SLCO5A1: variants seen among roughly 807,000 people sequenced by gnomAD.
SLCO5A1 encodes solute carrier organic anion transporter family member 5A1.
Under a neutral mutation model 65.1 loss-of-function variants are expected in SLCO5A1, and 39 were observed. That is an observed-to-expected ratio of 0.60 (90% confidence interval 0.46 to 0.78). The LOEUF (loss-of-function observed/expected upper bound fraction) is 0.78, where lower values mean the gene tolerates loss of function less well. Ranked by LOEUF, SLCO5A1 falls within the 30% of genes least tolerant of loss-of-function variation. The pLI is 0.00. For synonymous variants in SLCO5A1, 438 were observed against 415.7 expected (o/e 1.05, Z -0.65); for missense variants, 1,029 against 1,069.4 (o/e 0.96, Z 0.53).
In SLCO5A1 at chr8:69,832,400, G is replaced by T. The variant is rs746132395; in HGVS notation, c.274C>A (p.Leu92Ile). The T allele has an allele frequency of 1.9e-6, 3 of 1,612,526 alleles. No homozygotes were observed. The highest frequency in any genetic ancestry group is 3.4e-5 in the Admixed American group (2 of 59,696). The change falls in exon 2 of 10, where the codon CTC (leucine) becomes ATC (isoleucine). Residue 92 changes from leucine to isoleucine, a missense_variant. Leu to Ile is a conservative substitution (Grantham distance 5). Coordinates refer to ENST00000260126, the MANE Select transcript of SLCO5A1 (RefSeq NM_030958.3). This position sits in a 1 kb window ranked among gnomAD's most constrained non-coding sequence, Gnocchi z 4.5. The part of the protein sequence containing the change: ...SPSAPSTSAG[L>I]GDCNHRVDLS... ...TCCACCCTGTGGTTACAGTCCCCGA[G>T]CCCCGCCGAAGTGGACGGGGCAGAG...
chr8:69,714,790 G>C (rs145558416), intron 5 of SLCO5A1: 16 of 152,284 alleles, frequency 1.1e-4, no homozygotes, highest in Non-Finnish European at 2.4e-4. Flanking sequence ...ACTCCTCTTA[G>C]GCCAGACGGA....
intron 2 of SLCO5A1, among the ~76,000 whole-genome samples, chr8:69,808,815 A>G (rs1289763152): frequency 6.6e-6 from 1 of 152,192 alleles, no homozygotes; most frequent in Admixed American, 6.5e-5. Flanking sequence ...GATAATCATA[A>G]CTAAAGGACC....
At chr8:69,784,951 A>C (rs193061324) in intron 2 of SLCO5A1, among the ~76,000 whole-genome samples, 40 of 147,382 alleles carry the variant, frequency 2.7e-4, no homozygotes, top group African/African-American at 9.1e-4. Flanking sequence ...AGAAAGAAAG[A>C]AGAAAGGAAG....
At chr8:69,794,677 C>T (rs925190108) in intron 2 of SLCO5A1, 1 of 313,250 alleles carries the variant, frequency 3.2e-6, no homozygotes, top group South Asian at 3.1e-5. Context: ...TGGCAGATTG[C>T]CTTTGTCCTT....
chr8:69,784,930 G>GAAAGAAAGAA (rs1251220628), intron 2 of SLCO5A1, among the ~76,000 whole-genome samples: 33 of 113,874 alleles, frequency 2.9e-4, no homozygotes, highest in African/African-American at 1.1e-3. Context: ...AAGAAAGAAA[G>GAAAGAAAGAA]AAAGAAAGAA....
At chr8:69,682,370 A>G in intron 6 of SLCO5A1, 27 bp from the exon 7 acceptor site, 1 of 1,514,532 alleles carries the variant, frequency 6.6e-7, no homozygotes, top group Non-Finnish European at 8.8e-7. Context: ...GCAGATCATG[A>G]GCAACACTTA....
chr8:69,755,382 T>C, intron 4 of SLCO5A1, 42 bp downstream of exon 4: 1 of 1,553,246 alleles, frequency 6.4e-7, no homozygotes, highest in Non-Finnish European at 8.9e-7. Flanking sequence ...GTAGCACTGA[T>C]CAAAGTGCCA....
intron 2 of SLCO5A1, among the ~76,000 whole-genome samples, chr8:69,766,509 TTG>T (rs369338918): frequency 2.2e-4 from 33 of 151,508 alleles, no homozygotes; most frequent in African/African-American, 6.5e-4. Context: ...ATGTGTGTGT[TTG>T]TGTGTGTGTG....
chr8:69,790,727 AACT>A (rs1485356456), intron 2 of SLCO5A1, among the ~76,000 whole-genome samples: 2 of 152,202 alleles, frequency 1.3e-5, no homozygotes, highest in Non-Finnish European at 2.9e-5. Context: ...TGCGGTTTTA[AACT>A]ACAATGAACA....
At chr8:69,692,872 G>A (rs938199377) in intron 6 of SLCO5A1, among the ~76,000 whole-genome samples, 5 of 152,116 alleles carry the variant, frequency 3.3e-5, no homozygotes, top group African/African-American at 9.7e-5. Context: ...TTTTTAATAC[G>A]TAGAAAGAGT....
At chr8:69,745,595 A>G (rs4370538) in intron 4 of SLCO5A1, among the ~76,000 whole-genome samples, 17,912 of 152,106 alleles carry the variant, frequency 0.12, 1,865 homozygotes, top group African/African-American at 0.28. Flanking sequence ...GGCCCCTCTT[A>G]ATGCTTTTCA....
intron 5 of SLCO5A1, among the ~76,000 whole-genome samples, chr8:69,717,182 C>A (rs1449121603): frequency 1.3e-5 from 2 of 152,150 alleles, no homozygotes; most frequent in Non-Finnish European, 2.9e-5. Flanking sequence ...AATACAAGGT[C>A]ACAAAGAGTT....
At chr8:69,828,733 C>T (rs1821038168) in intron 2 of SLCO5A1, among the ~76,000 whole-genome samples, 1 of 152,192 alleles carries the variant, frequency 6.6e-6, no homozygotes, top group Admixed American at 6.5e-5. Flanking sequence ...CTAAAAACAC[C>T]TCAAATGCTG....
At chr8:69,784,936 AAGAAAGAAAGAAAG>A (rs1377760349) in intron 2 of SLCO5A1, among the ~76,000 whole-genome samples, 2 of 147,570 alleles carry the variant, frequency 1.4e-5, no homozygotes, top group Admixed American at 6.8e-5. Context: ...GAAAGAAAGA[AAGAAAGAAAGAAAG>A]AAGAAAGGAA....
chr8:69,828,606 A>G (rs1005661603), intron 2 of SLCO5A1, among the ~76,000 whole-genome samples: 6 of 151,728 alleles, frequency 4.0e-5, no homozygotes, highest in Admixed American at 3.9e-4. Flanking sequence ...GTCTCAAAAA[A>G]AAAAAGAAAA....
intron 2 of SLCO5A1, among the ~76,000 whole-genome samples, chr8:69,798,049 C>A (rs1192717901): frequency 1.3e-5 from 2 of 152,178 alleles, no homozygotes; most frequent in South Asian, 2.1e-4. Context: ...TTTAAAATTT[C>A]TCGTTTGTAC....
intron 2 of SLCO5A1, among the ~76,000 whole-genome samples, chr8:69,769,402 A>G (rs1007992221): frequency 2.0e-5 from 3 of 152,184 alleles, no homozygotes; most frequent in Admixed American, 2.0e-4. Flanking sequence ...AACTATTGAC[A>G]TAGGAAGCAC....
chr8:69,690,596 A>C (rs1814218847), intron 6 of SLCO5A1, among the ~76,000 whole-genome samples: 1 of 152,244 alleles, frequency 6.6e-6, no homozygotes, highest in Admixed American at 6.5e-5. Flanking sequence ...GGTGAAGAGG[A>C]AGCTGAGTTG....
intron 5 of SLCO5A1, among the ~76,000 whole-genome samples, chr8:69,714,183 A>G (rs758061185): frequency 1.3e-5 from 2 of 151,998 alleles, no homozygotes. Flanking sequence ...ACAATGAACA[A>G]GATGTATCAT....
Sources: gnomAD v4.1 joint callset for allele counts (sites outside exome capture counted in the v4.1 genomes callset) on GRCh38, gnomAD v4.1.1 for gene constraint, Gnocchi (gnomAD v3.1) non-coding constraint, MANE v1.5 for transcripts, NCBI Gene and HGNC (gene_info 2026-07-23, HGNC 2026-07-21) for gene names.